ANO7: variants seen among roughly 807,000 people sequenced by gnomAD.
The protein encoded by ANO7 is anoctamin-7.
In ANO7, 114 loss-of-function variants were observed where a neutral mutation model predicts 115.8. That is an observed-to-expected ratio of 0.98 (90% CI 0.85 to 1.15). The LOEUF (loss-of-function observed/expected upper bound fraction) is 1.15. Ranked by LOEUF, ANO7 falls within the 50% of genes most tolerant of loss-of-function variation. The pLI, the probability that ANO7 is intolerant of heterozygous loss-of-function variation, is 0.00. For synonymous variants in ANO7, 550 were observed against 498.2 expected (o/e 1.10, Z -1.38); for missense variants, 1,302 against 1,201.2 (o/e 1.08, Z -1.24).
chr2:241,233,736 A>T, the ANO7 span: 1 of 1,506,054 alleles, frequency 6.6e-7, no homozygotes, highest in Non-Finnish European at 9.2e-7. The surrounding 1 kb of genome is among the most constrained non-coding windows in gnomAD (Gnocchi z 4.3). Flanking sequence ...ACCCCCATCT[A>T]GGCACATCTG....
chr2:241,195,782 G>A lies in ANO7; in HGVS notation c.246G>A (p.Met82Ile), dbSNP rs769927576. The change falls in exon 4 of 25, where the codon ATG becomes ATA. Residue 82 changes from methionine to isoleucine, a missense_variant. Physicochemically the swap from Met to Ile is conservative, Grantham distance 10. Transcript: ENST00000674324. ...GTGCCGCCCGGGACAGAACAGACAT[G>A]CACAGGACCTGGCGGGAGACTTTTC... ...QDSAARDRTDMHRTWRETFLD... is the reference protein window; with the variant it reads ...QDSAARDRTDIHRTWRETFLD... 6 of 1,614,260 alleles carry A rather than the reference G, an allele frequency of 3.7e-6. No homozygotes were observed. The Admixed American group carries it at 8.3e-5, about 22-fold the overall frequency.
chr2:241,197,483 C>T (rs1266116064), intron 4 of ANO7, among the ~76,000 whole-genome samples: 1 of 152,078 alleles, frequency 6.6e-6, no homozygotes, highest in East Asian at 1.9e-4. Context: ...TCTCCCGAGG[C>T]TCAAGCCATC....
chr2:241,209,133 A>C (rs748050318), intron 11 of ANO7, 152 bp from the exon 12 acceptor site: 1 of 988,644 alleles, frequency 1.0e-6, no homozygotes, highest in Non-Finnish European at 1.4e-6. Flanking sequence ...TGGGTGACAG[A>C]GCCAGACTCC....
chr2:241,207,533 C>T lies in ANO7; in HGVS notation c.981-41C>T, dbSNP rs369822418. Reference sequence around the variant, plus strand: ...TGGCTGGGAGGAGCAAGCAGCCCCCCTCCCCCATTAGCTCCCACCCCTCCG... The same window carrying T: ...TGGCTGGGAGGAGCAAGCAGCCCCCTTCCCCCATTAGCTCCCACCCCTCCG... On this transcript the variant is annotated intron_variant, in intron 10 of 24. Coordinates refer to ENST00000674324, the MANE Select transcript of ANO7 (RefSeq NM_001370694.2). The T allele has an allele frequency of 1.1e-4, 170 of 1,576,262 alleles. 1 individual carries two copies. In the South Asian group the frequency reaches 1.7e-3, roughly 15 times the overall value.
intron 19 of ANO7, among the ~76,000 whole-genome samples, chr2:241,216,528 T>C (rs1398351617): frequency 6.6e-6 from 1 of 152,196 alleles, no homozygotes; most frequent in East Asian, 1.9e-4. Context: ...CTAGAAAGCA[T>C]GGGCCAGAGC....
Position 241,214,837 on chromosome 2 carries a change from A to C in ANO7, c.1761A>C (p.Ala587=). The change falls in exon 18 of 25, where the codon GCA becomes GCC. Residue 587 remains alanine (A), a synonymous_variant. Coordinates refer to ENST00000674324, the MANE Select transcript of ANO7 (RefSeq NM_001370694.2). The stretch of plus-strand genomic sequence containing the variant: ...CTGGAGGCTGCCTGATCGAGCTGGC[A>C]CAGGAGCTCCTGGTCATCATGGTGG... The part of the protein sequence containing the change: ...CAAGGCLIEL[A]QELLVIMVGK... 3.1e-6 allele frequency: 5 copies of C among 1,612,588 alleles called. No homozygotes were observed. The highest frequency in any genetic ancestry group is 4.2e-6 in the Non-Finnish European group (5 of 1,179,956).
intron 18 of ANO7, 127 bp downstream of exon 18, chr2:241,215,029 G>C: frequency 1.2e-6 from 1 of 846,340 alleles, no homozygotes; most frequent in South Asian, 1.8e-5. Context: ...TGCCTGGGGA[G>C]GGGGAGGGGG....
Position 241,188,742 on chromosome 2 carries a change from C to T in ANO7, c.-32C>T, listed in dbSNP as rs1297924882. 2 of 1,613,406 alleles carry T rather than the reference C, an allele frequency of 1.2e-6. No homozygotes were observed. Among genetic ancestry groups the T allele is most frequent in the African/African-American group, 2.7e-5 (2 of 74,902 alleles). On this transcript the variant is annotated 5_prime_UTR_variant, in exon 1 of 25. Transcript: ENST00000674324. This position sits in a 1 kb window ranked among gnomAD's most constrained non-coding sequence, Gnocchi z 4.3. Reference sequence around the variant, plus strand: ...GAGAGGTGGGCCATGACCTCCGAGACCTCTTCCGGAAGCCACTGTGCCAGG... The same window carrying T: ...GAGAGGTGGGCCATGACCTCCGAGATCTCTTCCGGAAGCCACTGTGCCAGG...
downstream of ANO7, chr2:241,227,642 G>A (rs2069258348): frequency 6.5e-6 from 1 of 152,706 alleles, no homozygotes; most frequent in African/African-American, 2.4e-5. Context: ...ATACAGAGAT[G>A]TGCAAAACTT....
At chr2:241,194,285 G>A (rs571869122) in intron 3 of ANO7, among the ~76,000 whole-genome samples, 49 of 149,994 alleles carry the variant, frequency 3.3e-4, no homozygotes, top group African/African-American at 1.1e-3. Context: ...ATGTGTCATA[G>A]GTATATAGAA....
chr2:241,226,426 G>A (rs184971789), downstream of ANO7, among the ~76,000 whole-genome samples: 2 of 151,526 alleles, frequency 1.3e-5, no homozygotes, highest in Admixed American at 6.6e-5. Context: ...AAACATGTTC[G>A]GCATTTTTTT....
At chr2:241,207,298 C>G (rs2068616931) in intron 10 of ANO7, among the ~76,000 whole-genome samples, 1 of 152,232 alleles carries the variant, frequency 6.6e-6, no homozygotes, top group Non-Finnish European at 1.5e-5. Flanking sequence ...TTTATTGGCA[C>G]TCTTGTTTAT....
At chr2:241,189,328 C>T (rs115893725) in intron 1 of ANO7, among the ~76,000 whole-genome samples, 4,898 of 152,252 alleles carry the variant, frequency 0.032, 284 homozygotes, top group African/African-American at 0.11. Flanking sequence ...GCTGCCCCTC[C>T]GACCTCCTGC....
the ANO7 span, chr2:241,234,085 G>A: frequency 8.4e-5 from 94 of 1,114,948 alleles, 1 homozygote; most frequent in Admixed American, 2.9e-4. Context: ...CCCGTGGTCC[G>A]GAATGGTCCG....
rs1423623603 is a variant in ANO7, at chr2:241,203,368, T to G, written c.759T>G (p.Ala253=). The change falls in exon 9 of 25, where the codon GCT becomes GCG. Residue 253 remains alanine (A), a synonymous_variant. Transcript: ENST00000674324. The surrounding 1 kb of genome is among the most constrained non-coding windows in gnomAD (Gnocchi z 4.8). ...PFKTPPEGPQ[A]PRLNQRQVLF... ...AGACGCCCCCAGAGGGCCCGCAGGC[T>G]CCACGCCTCAACCAGCGCCAAGTCC... 3.1e-6 allele frequency: 5 copies of G among 1,594,840 alleles called. No individual in the cohort carries two copies.
chr2:241,189,843 C>T (rs1275624980), intron 1 of ANO7, among the ~76,000 whole-genome samples: 1 of 152,150 alleles, frequency 6.6e-6, no homozygotes, highest in Non-Finnish European at 1.5e-5. Context: ...CAGACGCTCC[C>T]GCCCCGGCAC....
In ANO7 at chr2:241,225,644, C is replaced by T. The variant is rs956012332; in HGVS notation, c.*1491C>T. ...CCTCGCCTGCGTTCTATTTCACCCA[C>T]CGTGATGCCTGGCCTGAGGGCGGCG... On this transcript the variant is annotated 3_prime_UTR_variant, in exon 25 of 25. Transcript: ENST00000674324. Among the ~76,000 whole-genome samples the T allele has an allele frequency of 1.1e-4, 16 of 151,660 alleles. No individual in the cohort carries two copies. The highest frequency in any genetic ancestry group is 3.4e-3 in the Middle Eastern group (1 of 292).
intron 4 of ANO7, chr2:241,199,028 T>G: frequency 2.4e-6 from 1 of 419,298 alleles, no homozygotes; most frequent in East Asian, 4.7e-5. Flanking sequence ...AGGGCAAGGC[T>G]CTCCCTAGCC....
intron 23 of ANO7, 60 bp from the exon 24 acceptor site, chr2:241,223,845 C>T: frequency 6.2e-7 from 1 of 1,613,486 alleles, no homozygotes; most frequent in East Asian, 2.2e-5. Context: ...TCAGTGGCTG[C>T]TCTACCTCCG....
Sources: allele counts gnomAD v4.1 joint callset (sites outside exome capture counted in the v4.1 genomes callset), GRCh38; gene constraint gnomAD v4.1.1; non-coding constraint Gnocchi (gnomAD v3.1); transcripts MANE v1.5; gene names NCBI Gene and HGNC (gene_info 2026-07-23, HGNC 2026-07-21).